C10orf143: variants seen among roughly 807,000 people sequenced by gnomAD.
C10orf143 encodes the protein uncharacterized protein C10orf143.
At chr10:130,106,127 G>T (rs187602488) in intron 1 of C10orf143, 2 of 714,956 alleles carry the variant, frequency 2.8e-6, no homozygotes, top group East Asian at 3.5e-5. Context: ...AGCGCTGCCT[G>T]AAAGTATGAG....
chr10:130,054,862 C>A (rs1860777865), intron 3 of C10orf143, among the ~76,000 whole-genome samples: 1 of 152,080 alleles, frequency 6.6e-6, no homozygotes, highest in Admixed American at 6.5e-5. Context: ...GACATAAAGA[C>A]AAATCTATAG....
chr10:130,086,215 G>A (rs1319672539), intron 1 of C10orf143, among the ~76,000 whole-genome samples: 2 of 152,090 alleles, frequency 1.3e-5, no homozygotes, highest in Admixed American at 6.6e-5. Flanking sequence ...TCACACACAG[G>A]TCCATGCGAG....
intron 3 of C10orf143, among the ~76,000 whole-genome samples, chr10:130,042,078 C>T (rs1395816200): frequency 6.6e-6 from 1 of 152,238 alleles, no homozygotes; most frequent in Non-Finnish European, 1.5e-5. Context: ...CACATGCACA[C>T]TATGAACACA....
At chr10:130,103,426 G>C (rs531575507) in intron 1 of C10orf143, among the ~76,000 whole-genome samples, 1 of 152,134 alleles carries the variant, frequency 6.6e-6, no homozygotes, top group Non-Finnish European at 1.5e-5. Context: ...GGAGGCAGAG[G>C]TTGCAGTGAA....
chr10:130,047,680 T>C (rs528985269), intron 3 of C10orf143, among the ~76,000 whole-genome samples: 74 of 152,274 alleles, frequency 4.9e-4, no homozygotes, highest in Non-Finnish European at 1.3e-4. Context: ...CCTAAACCCA[T>C]GGACAGGTGA....
intron 1 of C10orf143, among the ~76,000 whole-genome samples, chr10:130,092,033 G>A (rs1362212908): frequency 6.6e-6 from 1 of 152,058 alleles, no homozygotes; most frequent in African/African-American, 2.4e-5. Context: ...TAGCAAGACA[G>A]GACAACTTTC....
chr10:130,050,077 A>G (rs948711030), intron 3 of C10orf143, among the ~76,000 whole-genome samples: 4 of 152,220 alleles, frequency 2.6e-5, no homozygotes, highest in Non-Finnish European at 5.9e-5. Context: ...ATCAGCCATA[A>G]TGGAAAAACG....
chr10:130,100,860 A>G (rs1861537077), intron 1 of C10orf143, among the ~76,000 whole-genome samples: 1 of 152,204 alleles, frequency 6.6e-6, no homozygotes, highest in South Asian at 2.1e-4. Flanking sequence ...AAGAAGCTTA[A>G]TAGATGTGTA....
At position 130,064,278 on chromosome 10, in the gene C10orf143, T is replaced by C; in HGVS notation, c.*76A>G. On this transcript the variant is annotated 3_prime_UTR_variant, in exon 4 of 4. Transcript: ENST00000637128. ...ACAGGTAAGTCCCCAAACCCATCTGTAGGAGATTCACATTTGCTGCAACAT... is the reference window on the plus strand; with the variant it reads ...ACAGGTAAGTCCCCAAACCCATCTGCAGGAGATTCACATTTGCTGCAACAT... 3 of 398,158 alleles carry C rather than the reference T, an allele frequency of 7.5e-6. No individual in the cohort carries two copies. The highest frequency in any genetic ancestry group is 1.3e-5 in the Non-Finnish European group (3 of 225,808). The allele number at this position is 398,158 out of a possible 1,614,324, so 24.7% of individuals were successfully genotyped here. A position where few individuals can be genotyped will look rare whatever the true frequency, so the allele number is the denominator to read the frequency against.
Position 130,064,277 on chromosome 10 carries a change from G to A in C10orf143, c.*77C>T. On this transcript the variant is annotated 3_prime_UTR_variant, in exon 4 of 4. Transcript: ENST00000637128. ...AACAGGTAAGTCCCCAAACCCATCT[G>A]TAGGAGATTCACATTTGCTGCAACA... 3 of 398,020 alleles carry A rather than the reference G, an allele frequency of 7.5e-6. No individual in the cohort carries two copies. Among genetic ancestry groups the A allele is most frequent in the Non-Finnish European group, 1.3e-5 (3 of 225,704 alleles). The allele number at this position is 398,020 out of a possible 1,614,324, so 24.7% of individuals were successfully genotyped here.
chr10:130,039,853 C>G (rs1860586594), intron 3 of C10orf143, among the ~76,000 whole-genome samples: 1 of 152,144 alleles, frequency 6.6e-6, no homozygotes, highest in Non-Finnish European at 1.5e-5. Context: ...CAGTGGGTGA[C>G]TACCAATTTG....
chr10:130,091,802 A>G (rs1861387057), intron 1 of C10orf143, among the ~76,000 whole-genome samples: 1 of 151,282 alleles, frequency 6.6e-6, no homozygotes, highest in South Asian at 2.1e-4. Context: ...CGACCAAGCC[A>G]AAGAAAGGAT....
At chr10:130,060,204 G>GT (rs1693408011), downstream of C10orf143, among the ~76,000 whole-genome samples, 1 of 152,100 alleles carries the variant, frequency 6.6e-6, no homozygotes, top group Non-Finnish European at 1.5e-5. Flanking sequence ...GCCAATGTTC[G>GT]TGCACAGGGA....
intron 1 of C10orf143, among the ~76,000 whole-genome samples, chr10:130,085,225 G>GA (rs1861271282): frequency 6.6e-6 from 1 of 152,174 alleles, no homozygotes; most frequent in African/African-American, 2.4e-5. Context: ...TGTTTGCACA[G>GA]CCTCAAACTA....
Position 130,065,492 on chromosome 10 carries a change from C to T in C10orf143, c.298-1109G>A. ...ATCGGAGAAGCTGTGGCGGCTGGAG[C>T]AGGGGCTTGTGGCGCACATGGCAGG... On this transcript the variant is annotated intron_variant, in intron 3 of 3. Transcript: ENST00000637128. The surrounding 1 kb of genome is among the most constrained non-coding windows in gnomAD (Gnocchi z 4.2). The T allele has an allele frequency of 6.5e-6, 1 of 152,920 alleles. No individual in the cohort carries two copies. 9.5% of individuals were successfully genotyped at this position (152,920 alleles called of 1,614,324 possible). A position where few individuals can be genotyped will look rare whatever the true frequency, so the allele number is the denominator to read the frequency against.
intron 1 of C10orf143, among the ~76,000 whole-genome samples, chr10:130,101,431 G>A (rs1370814353): frequency 6.6e-6 from 1 of 152,080 alleles, no homozygotes; most frequent in Non-Finnish European, 1.5e-5. Flanking sequence ...CTGAGGAGCA[G>A]AGAGAGGGTG....
intron 3 of C10orf143, among the ~76,000 whole-genome samples, chr10:130,048,709 ATCT>A (rs1172116687): frequency 1.3e-5 from 2 of 152,136 alleles, no homozygotes; most frequent in Non-Finnish European, 2.9e-5. Flanking sequence ...CTTGAGAGAC[ATCT>A]TCTTTTTAAG....
intron 3 of C10orf143, among the ~76,000 whole-genome samples, chr10:130,073,920 C>T (rs934801733): frequency 1.3e-5 from 2 of 152,136 alleles, no homozygotes; most frequent in East Asian, 1.9e-4. Flanking sequence ...TTCTGGGATT[C>T]GTATTTGGCT....
downstream of C10orf143, among the ~76,000 whole-genome samples, chr10:130,062,033 G>A (rs530592023): frequency 1.3e-5 from 2 of 152,336 alleles, no homozygotes; most frequent in African/African-American, 4.8e-5. Flanking sequence ...GCCACGGGCA[G>A]GACCTCTGTT....
Sources: allele counts gnomAD v4.1 joint callset (sites outside exome capture counted in the v4.1 genomes callset), GRCh38; gene constraint gnomAD v4.1.1; non-coding constraint Gnocchi (gnomAD v3.1); transcripts MANE v1.5; gene names NCBI Gene and HGNC (gene_info 2026-07-23, HGNC 2026-07-21).